NR3C2: variants seen among roughly 807,000 people sequenced by gnomAD.
NR3C2 encodes mineralocorticoid receptor.
Under a neutral mutation model 86.4 loss-of-function variants are expected in NR3C2, and 15 were observed. The ratio of observed to expected loss-of-function variants is 0.17; its 90% CI spans 0.12 to 0.27. The LOEUF (loss-of-function observed/expected upper bound fraction) is 0.27, where lower values mean the gene tolerates loss of function less well. Ranked by LOEUF, NR3C2 falls within the 10% of genes least tolerant of loss-of-function variation. The probability of loss-of-function intolerance (pLI) is 1.00; values close to 1 mark genes in which losing one functional copy is unlikely to be tolerated. For missense variants in NR3C2, 960 were observed against 1,195.6 expected (o/e 0.80, Z 2.91); for synonymous variants, 458 against 450.5 (o/e 1.02, Z -0.21).
chr4:148,206,454 C>T (rs576527269), intron 3 of NR3C2, among the ~76,000 whole-genome samples: 1 of 152,316 alleles, frequency 6.6e-6, no homozygotes, highest in Admixed American at 6.5e-5. Context: ...AAGTTACCTA[C>T]TTAGCTTGTC....
At chr4:148,152,676 G>T in intron 5 of NR3C2, 63 bp from the exon 6 acceptor site, 1 of 1,545,468 alleles carries the variant, frequency 6.5e-7, no homozygotes, top group Non-Finnish European at 8.9e-7. Flanking sequence ...CCAGGAAGAT[G>T]CTTCTTAAGT....
At chr4:148,251,277 C>G (rs945896852) in intron 3 of NR3C2, among the ~76,000 whole-genome samples, 2 of 152,102 alleles carry the variant, frequency 1.3e-5, no homozygotes, top group Non-Finnish European at 2.9e-5. Context: ...ATCTAATAGT[C>G]TTCCATCACC....
upstream of NR3C2, chr4:148,444,926 G>A (rs888006991): frequency 2.3e-5 from 23 of 984,874 alleles, no homozygotes; most frequent in Middle Eastern, 5.2e-4. Context: ...CCCCCTCCCC[G>A]GGCCCTGGGT....
chr4:148,155,052 C>G, intron 4 of NR3C2, 151 bp from the exon 5 acceptor site: 1 of 684,978 alleles, frequency 1.5e-6, no homozygotes, highest in Non-Finnish European at 2.5e-6. Context: ...ATATATAAAG[C>G]TCAATTATTA....
chr4:148,207,201 C>G (rs1324873780), intron 3 of NR3C2, among the ~76,000 whole-genome samples: 1 of 152,160 alleles, frequency 6.6e-6, no homozygotes, highest in African/African-American at 2.4e-5. Context: ...TGAGCCACTA[C>G]TCCTGTCCTT....
At chr4:148,292,257 CT>C (rs1408099888) in intron 2 of NR3C2, among the ~76,000 whole-genome samples, 1 of 151,894 alleles carries the variant, frequency 6.6e-6, no homozygotes, top group Non-Finnish European at 1.5e-5. Context: ...AGATAAATCA[CT>C]TTATACACAT....
At chr4:148,229,178 A>G (rs970936233) in intron 3 of NR3C2, among the ~76,000 whole-genome samples, 2 of 152,174 alleles carry the variant, frequency 1.3e-5, no homozygotes, top group African/African-American at 4.8e-5. Flanking sequence ...CATGCCCGCA[A>G]TGAACTGGGG....
intron 2 of NR3C2, among the ~76,000 whole-genome samples, chr4:148,279,814 C>T (rs1238031932): frequency 1.3e-5 from 2 of 151,916 alleles, no homozygotes; most frequent in Non-Finnish European, 2.9e-5. Flanking sequence ...CAACCTCTGC[C>T]CCCCGGGTTC....
At chr4:148,094,744 CAA>C (rs58228508) in intron 8 of NR3C2, among the ~76,000 whole-genome samples, 33,657 of 144,820 alleles carry the variant, frequency 0.23, 4,475 homozygotes, top group African/African-American at 0.38. Flanking sequence ...AACAAAAAAA[CAA>C]AAAAAAAACA....
intron 3 of NR3C2, among the ~76,000 whole-genome samples, chr4:148,257,432 T>C (rs958388211): frequency 6.6e-6 from 1 of 152,184 alleles, no homozygotes; most frequent in African/African-American, 2.4e-5. Context: ...AGCAAGGCTA[T>C]ATTATGAGAT....
intron 2 of NR3C2, among the ~76,000 whole-genome samples, chr4:148,285,266 A>C (rs1020169175): frequency 5.9e-5 from 9 of 152,246 alleles, no homozygotes; most frequent in African/African-American, 2.2e-4. Context: ...TCTTCTAATC[A>C]GTAACTTCTA....
chr4:148,098,185 C>A (rs752133446), intron 8 of NR3C2, among the ~76,000 whole-genome samples: 10 of 152,172 alleles, frequency 6.6e-5, no homozygotes, highest in Non-Finnish European at 1.3e-4. Context: ...TAACCTATTA[C>A]GGTTACATTG....
intron 2 of NR3C2, among the ~76,000 whole-genome samples, chr4:148,289,173 A>T (rs2149906023): frequency 6.6e-6 from 1 of 152,102 alleles, no homozygotes; most frequent in Non-Finnish European, 1.5e-5. Flanking sequence ...CTAGGATAGT[A>T]AGTTATGTGG....
chr4:148,286,437 C>T (rs569704168), intron 2 of NR3C2, among the ~76,000 whole-genome samples: 37 of 152,308 alleles, frequency 2.4e-4, no homozygotes, highest in African/African-American at 7.7e-4. Context: ...CCCTGTGATT[C>T]ACTTCTACAA....
Position 148,435,372 on chromosome 4 carries a change from G to A in NR3C2, c.1489C>T (p.Pro497Ser), listed in dbSNP as rs751424659. 1.9e-6 allele frequency: 3 copies of A among 1,614,028 alleles called. No homozygotes were observed. Among genetic ancestry groups the A allele is most frequent in the South Asian group, 2.2e-5 (2 of 91,086 alleles). Residue 497 changes from proline (P) to serine (S), a missense_variant, in exon 2 of 9, where the codon CCA (proline) becomes TCA (serine). By Grantham distance (74) the Pro-to-Ser change is moderately conservative. This residue lies in a region of NR3C2 where 680 missense variants were observed against 719.0 expected (regional missense o/e 0.95). Coordinates refer to ENST00000358102, the MANE Select transcript of NR3C2 (RefSeq NM_000901.5). Reference sequence around the variant, plus strand: ...TCTGGGTAATAGCTCCCATCATCTGGTTCTTGTTTAATACCCACTGGGAAT... The same window carrying A: ...TCTGGGTAATAGCTCCCATCATCTGATTCTTGTTTAATACCCACTGGGAAT... ...SGFPVGIKQE[P>S]DDGSYYPEAS...
chr4:148,412,124 C>T (rs907099234), intron 2 of NR3C2, among the ~76,000 whole-genome samples: 10 of 152,080 alleles, frequency 6.6e-5, no homozygotes, highest in African/African-American at 1.2e-4. Flanking sequence ...CTCCTGGGGT[C>T]GCCATAGGGA....
chr4:148,124,582 C>T (rs114827913), intron 6 of NR3C2, among the ~76,000 whole-genome samples: 3,104 of 152,302 alleles, frequency 0.02, 53 homozygotes, highest in Middle Eastern at 0.061. Flanking sequence ...TTTTAATTCT[C>T]CTGTTCAGGA....
At chr4:148,416,965 C>T (rs576346033) in intron 2 of NR3C2, among the ~76,000 whole-genome samples, 26 of 152,050 alleles carry the variant, frequency 1.7e-4, no homozygotes, top group African/African-American at 4.8e-4. Context: ...TTAGTAGAGA[C>T]GGGGTTTCAC....
At chr4:148,415,795 A>G (rs1748963371) in intron 2 of NR3C2, among the ~76,000 whole-genome samples, 2 of 152,244 alleles carry the variant, frequency 1.3e-5, no homozygotes. Context: ...AAATAAAATC[A>G]TTACTGCTGC....
Sources: allele counts gnomAD v4.1 joint callset (sites outside exome capture counted in the v4.1 genomes callset), GRCh38; gene constraint gnomAD v4.1.1; regional missense constraint gnomAD v4.1.1; transcripts MANE v1.5; gene names NCBI Gene and HGNC (gene_info 2026-07-23, HGNC 2026-07-21).